WNT7B: variants seen among roughly 807,000 people sequenced by gnomAD.
WNT7B encodes the protein protein Wnt-7b.
WNT7B carries 19 observed loss-of-function variants against 38.2 expected under a neutral mutation model. That is an observed-to-expected ratio of 0.50 (90% CI 0.35 to 0.73). The LOEUF (loss-of-function observed/expected upper bound fraction) is 0.73, where lower values mean the gene tolerates loss of function less well. Ranked by LOEUF, WNT7B falls within the 30% of genes least tolerant of loss-of-function variation. The probability of loss-of-function intolerance (pLI) is 0.01; values close to 1 mark genes in which losing one functional copy is unlikely to be tolerated. For synonymous variants in WNT7B, 243 were observed against 209.3 expected (o/e 1.16, Z -1.39); for missense variants, 423 against 507.9 (o/e 0.83, Z 1.61).
At chr22:45,974,567 T>C (rs1392216263) in intron 1 of WNT7B, among the ~76,000 whole-genome samples, 1 of 152,136 alleles carries the variant, frequency 6.6e-6, no homozygotes, top group African/African-American at 2.4e-5. Context: ...AGGTCACATT[T>C]TGGAAATCCA....
rs748192721 is a variant in WNT7B at position 45,923,228 on chromosome 22, G to C, written c.678C>G (p.His226Gln). 2.4e-5 allele frequency: 38 copies of C among 1,613,192 alleles called. No homozygotes were observed. The highest frequency in any genetic ancestry group is 3.2e-5 in the Non-Finnish European group (38 of 1,180,030). ...CCGCGTTGTACTTCTCCTTCAGCAG[G>C]TGGCCCACCTCTCGGAACTTGGGCA... ...TTLPKFREVG[H>Q]LLKEKYNAAV... Residue 226 changes from histidine to glutamine, a missense_variant, in exon 4 of 4, where the codon CAC (histidine) becomes CAG (glutamine). This residue lies in a region of WNT7B where 158 missense variants were observed against 214.7 expected (regional missense o/e 0.74). Transcript: ENST00000339464.
intron 2 of WNT7B, among the ~76,000 whole-genome samples, chr22:45,946,621 G>C (rs1931802399): frequency 6.6e-6 from 1 of 152,184 alleles, no homozygotes; most frequent in Admixed American, 6.5e-5. Context: ...AGGCCTCCAG[G>C]CACGAGGGGG....
intron 1 of WNT7B, among the ~76,000 whole-genome samples, chr22:45,957,700 A>AAC (rs1932102517): frequency 6.7e-6 from 1 of 150,104 alleles, no homozygotes; most frequent in African/African-American, 2.4e-5. Context: ...AAAAAAAAAA[A>AAC]AAAAAAAAAA....
intron 1 of WNT7B, among the ~76,000 whole-genome samples, chr22:45,952,525 A>C (rs1335765799): frequency 1.3e-5 from 2 of 152,142 alleles, no homozygotes; most frequent in African/African-American, 4.8e-5. Context: ...TCCTCGGAAA[A>C]CCGAGCTGGG....
chr22:45,931,205 C>A lies in WNT7B; in HGVS notation c.463G>T (p.Asp155Tyr). The A allele has an allele frequency of 6.3e-7, 1 of 1,599,374 alleles. No homozygotes were observed. Among genetic ancestry groups the A allele is most frequent in the East Asian group, 2.2e-5 (1 of 44,872 alleles). Residue 155 changes from aspartate (D) to tyrosine (Y), a missense_variant, in exon 3 of 4, where the codon GAC becomes TAC. By Grantham distance (160) the Asp-to-Tyr change is radical. Transcript: ENST00000339464. ...EGWKWGGCSADVRYGIDFSRR... is the reference protein window; with the variant it reads ...EGWKWGGCSAYVRYGIDFSRR... ...GAGAAGTCGATGCCGTAACGCACGTCGGCCGAGCAGCCGCCCCACTTCCAG... is the reference window on the plus strand; with the variant it reads ...GAGAAGTCGATGCCGTAACGCACGTAGGCCGAGCAGCCGCCCCACTTCCAG...
chr22:45,964,130 CCT>C (rs1199398935), intron 1 of WNT7B, among the ~76,000 whole-genome samples: 1 of 152,048 alleles, frequency 6.6e-6, no homozygotes, highest in Non-Finnish European at 1.5e-5. Flanking sequence ...GTCCCCAGGC[CCT>C]GTGTCCCTGT....
At chr22:45,953,124 G>A (rs180867324) in intron 1 of WNT7B, among the ~76,000 whole-genome samples, 1 of 135,460 alleles carries the variant, frequency 7.4e-6, no homozygotes, top group Non-Finnish European at 1.6e-5. Flanking sequence ...CACAGTCACC[G>A]TGTCCGTGCC....
chr22:45,952,102 T>C (rs1931947176), intron 1 of WNT7B, among the ~76,000 whole-genome samples: 1 of 151,926 alleles, frequency 6.6e-6, no homozygotes, highest in South Asian at 2.1e-4. Flanking sequence ...CAGGCCTGTT[T>C]AGTGAGGGGG....
At position 45,951,737 on chromosome 22, in the gene WNT7B, A is replaced by G. The variant is rs1473704241; in HGVS notation, c.72-1591T>C. ...AGTGCTTCATGCGTTTGTAAGGCTG[A>G]GTGATATTCCATTGTGTGGACAGAC... On this transcript the variant is annotated intron_variant, in intron 1 of 3. Transcript: ENST00000339464. This position sits in a 1 kb window ranked among gnomAD's most constrained non-coding sequence, Gnocchi z 4.8. 1.3e-5 allele frequency among the ~76,000 whole-genome samples: 2 copies of G among 152,216 alleles called. No homozygotes were observed. The highest frequency in any genetic ancestry group is 2.9e-5 in the Non-Finnish European group (2 of 68,050).
rs1932557028 is a variant in WNT7B at position 45,976,632 on chromosome 22, C to A, written c.71+52G>T. On this transcript the variant is annotated intron_variant, in intron 1 of 3. Transcript: ENST00000339464. The surrounding 1 kb of genome is among the most constrained non-coding windows in gnomAD (Gnocchi z 8.5). ...CCACGGGGACGCCCCGGAGGCAGCT[C>A]CTTCGTGCTGTCTTGGCCCCTGGCT... 1.9e-6 allele frequency: 3 copies of A among 1,579,358 alleles called. No homozygotes were observed. Among genetic ancestry groups the A allele is most frequent in the Admixed American group, 1.7e-5 (1 of 57,196 alleles).
rs10448597 is a variant in WNT7B, at chr22:45,951,771, G to C, written c.72-1625C>G. 0.49 allele frequency among the ~76,000 whole-genome samples: 74,487 copies of C among 152,068 alleles called. 19,203 individuals are homozygous for C. Among genetic ancestry groups the C allele is most frequent in the African/African-American group, 0.64 (26,519 of 41,466 alleles). On this transcript the variant is annotated intron_variant, in intron 1 of 3. Coordinates refer to ENST00000339464, the MANE Select transcript of WNT7B (RefSeq NM_058238.3). The surrounding 1 kb of genome is among the most constrained non-coding windows in gnomAD (Gnocchi z 4.8). ...CCATTGTGTGGACAGACCATATTTT[G>C]TGTATCCATTCATGGCTGGGCATTT...
Position 45,977,018 on chromosome 22 carries a change from C to G in WNT7B, c.-264G>C, listed in dbSNP as rs1932567123. ...CGAAGCCCGGTTGAGCGACCGTGGA[C>G]CCCTGCAAGCGCGGGCCGGGGGCCC... On this transcript the variant is annotated 5_prime_UTR_variant, in exon 1 of 4. Transcript: ENST00000339464. 1.0e-6 allele frequency: 1 copy of G among 985,414 alleles called. No homozygotes were observed. The highest frequency in any genetic ancestry group is 1.2e-6 in the Non-Finnish European group (1 of 830,358). 61.0% of individuals were successfully genotyped at this position (985,414 alleles called of 1,614,324 possible).
intron 1 of WNT7B, among the ~76,000 whole-genome samples, chr22:45,971,579 C>T (rs1409094544): frequency 1.3e-5 from 2 of 152,216 alleles, no homozygotes; most frequent in Admixed American, 6.5e-5. Flanking sequence ...TCCTCGCCCC[C>T]AGGTGAGGAC....
At position 45,975,556 on chromosome 22, in the gene WNT7B, C is replaced by G. The variant is rs1047939093; in HGVS notation, c.71+1128G>C. ...CTCAGTTTCTCCACCTGTAAAATGG[C>G]GGGGCAGACATGGGATGGAGGGTGA... is the stretch of plus-strand genomic sequence containing the variant. On this transcript the variant is annotated intron_variant, in intron 1 of 3. Transcript: ENST00000339464. This position sits in a 1 kb window ranked among gnomAD's most constrained non-coding sequence, Gnocchi z 6.6. The G allele has an allele frequency of 1.5e-5, 11 of 716,864 alleles. No individual in the cohort carries two copies. The highest frequency in any genetic ancestry group is 4.0e-5 in the Admixed American group (2 of 49,970). 44.4% of individuals were successfully genotyped at this position (716,864 alleles called of 1,614,324 possible).
At chr22:45,958,297 G>A (rs529174511) in intron 1 of WNT7B, among the ~76,000 whole-genome samples, 5 of 152,332 alleles carry the variant, frequency 3.3e-5, no homozygotes, top group African/African-American at 1.2e-4. Context: ...GCTTTGGGGT[G>A]ACCTGTCATC....
At chr22:45,956,830 A>G (rs1245584295) in intron 1 of WNT7B, among the ~76,000 whole-genome samples, 4 of 152,300 alleles carry the variant, frequency 2.6e-5, no homozygotes, top group South Asian at 2.1e-4. Context: ...ATCCCCGGCC[A>G]GGCGCGGTGG....
Position 45,931,200 on chromosome 22 carries a change from C to G in WNT7B, c.468G>C (p.Val156=). Residue 156 remains valine (V), a synonymous_variant, in exon 3 of 4, where the codon GTG becomes GTC. Coordinates refer to ENST00000339464, the MANE Select transcript of WNT7B (RefSeq NM_058238.3). The part of the protein sequence containing the change: ...GWKWGGCSAD[V]RYGIDFSRRF... ...GCCGGGAGAAGTCGATGCCGTAACG[C>G]ACGTCGGCCGAGCAGCCGCCCCACT... is the stretch of plus-strand genomic sequence containing the variant. The G allele has an allele frequency of 6.3e-7, 1 of 1,599,494 alleles. No individual in the cohort carries two copies. Among genetic ancestry groups the G allele is most frequent in the Non-Finnish European group, 8.5e-7 (1 of 1,179,838 alleles).
At chr22:45,962,958 G>A (rs1246466047) in intron 1 of WNT7B, among the ~76,000 whole-genome samples, 6 of 152,226 alleles carry the variant, frequency 3.9e-5, no homozygotes, top group Non-Finnish European at 7.3e-5. Context: ...CTGGGCCAGC[G>A]CCTCGGCCTT....
chr22:45,968,784 T>C (rs1932366831), intron 1 of WNT7B, among the ~76,000 whole-genome samples: 1 of 152,172 alleles, frequency 6.6e-6, no homozygotes, highest in East Asian at 1.9e-4. Flanking sequence ...ATTTCCCAGC[T>C]TGAACCCCAC....
Sources: allele counts gnomAD v4.1 joint callset (sites outside exome capture counted in the v4.1 genomes callset), GRCh38; gene constraint gnomAD v4.1.1; regional missense constraint gnomAD v4.1.1; non-coding constraint Gnocchi (gnomAD v3.1); transcripts MANE v1.5; gene names NCBI Gene and HGNC (gene_info 2026-07-23, HGNC 2026-07-21).